The following ARAP2 variants were observed in gnomAD, a reference collection of about 807,000 sequenced individuals.
ARAP2 encodes ArfGAP with RhoGAP domain, ankyrin repeat and PH domain 2.
ARAP2 carries 148 observed loss-of-function variants against 194.5 expected under a neutral mutation model. The ratio of observed to expected loss-of-function variants is 0.76; its 90% CI spans 0.67 to 0.87. The LOEUF is 0.87. Ranked by LOEUF, ARAP2 falls within the 40% of genes least tolerant of loss-of-function variation. The pLI is 0.00. For missense variants in ARAP2, 2,128 were observed against 1,989.7 expected, an observed-to-expected ratio of 1.07 and a Z score of -1.32; for synonymous variants, 695 against 683.5, an observed-to-expected ratio of 1.02 and a Z score of -0.26.
At position 36,133,370 on chromosome 4, in the gene ARAP2, GC is replaced by G; in HGVS notation, c.3282del (p.His1095IlefsTer37). On this transcript the variant is annotated frameshift_variant, in exon 20 of 33. Coordinates refer to ENST00000303965, the MANE Select transcript of ARAP2 (RefSeq NM_015230.4). LOFTEE classifies it high-confidence loss of function. ...CAGACTGTGAAATCCAACTTGGTAT[GC>G]CCATGGATGTATAATGTTCTGTAAA... The part of the protein sequence containing the change: ...VEKGRTLYIH[G>X]HTKLDFTVWH... 1 of 1,610,444 alleles carries G rather than the reference GC, an allele frequency of 6.2e-7. No homozygotes were observed. The highest frequency in any genetic ancestry group is 8.5e-7 in the Non-Finnish European group (1 of 1,177,810).
At chr4:36,141,639 A>G (rs976179468) in intron 19 of ARAP2, among the ~76,000 whole-genome samples, 32 of 151,806 alleles carry the variant, frequency 2.1e-4, no homozygotes, top group African/African-American at 7.7e-4. Context: ...ACATTAATGT[A>G]GTTTAGCATT....
At chr4:36,016,456 T>C (rs1368899397) in intron 6 of ARAP2, among the ~76,000 whole-genome samples, 6 of 152,180 alleles carry the variant, frequency 3.9e-5, no homozygotes, top group South Asian at 2.1e-4. Context: ...ATTTGATATG[T>C]ACATTGATGT....
chr4:36,244,751 C>T (rs1360517200), upstream of ARAP2, among the ~76,000 whole-genome samples: 1 of 152,174 alleles, frequency 6.6e-6, no homozygotes, highest in Non-Finnish European at 1.5e-5. Flanking sequence ...AGGGGCATTA[C>T]CCACCTTCCC....
rs1560263668 is a variant in ARAP2, at chr4:36,014,226, A to AAGAAAGAAAGG, written n.1056+1159_1056+1160insCCTTTCTTTCT. Among the ~76,000 whole-genome samples, 183 of 23,690 alleles carry AAGAAAGAAAGG rather than the reference A, an allele frequency of 7.7e-3. 8 individuals are homozygous for AAGAAAGAAAGG. Among genetic ancestry groups the AAGAAAGAAAGG allele is most frequent in the African/African-American group, 0.017 (175 of 10,222 alleles). The allele number at this position is 23,690 out of a possible 152,430, so 15.5% of individuals were successfully genotyped here. A position where few individuals can be genotyped will look rare whatever the true frequency, so the allele number is the denominator to read the frequency against. On this transcript the variant is annotated intron_variant and non_coding_transcript_variant, in intron 8 of 12. Coordinates refer to the ARAP2 transcript ENST00000503225. ...TAGGTGACAAAGTGAGACCCTATCG[A>AAGAAAGAAAGG]AAGAAAGAAAGAAAGAAAGAAAGAA...
intron 26 of ARAP2, 104 bp downstream of exon 26, chr4:36,114,066 T>A: frequency 1.1e-6 from 1 of 880,932 alleles, no homozygotes; most frequent in Non-Finnish European, 1.8e-6. Context: ...GTAAAAAAAA[T>A]CATAACAAGA....
At chr4:36,130,957 T>C (rs533032182) in intron 20 of ARAP2, among the ~76,000 whole-genome samples, 1 of 151,932 alleles carries the variant, frequency 6.6e-6, no homozygotes, top group Admixed American at 6.6e-5. Flanking sequence ...GAAATAATTT[T>C]CCCCAAGAAC....
downstream of ARAP2, chr4:36,065,510 C>A: frequency 3.4e-6 from 1 of 294,018 alleles, no homozygotes; most frequent in South Asian, 2.8e-5. Context: ...AGCATCTTGT[C>A]AATGCAGGGC....
At chr4:36,218,461 AT>A (rs1034213055) in intron 2 of ARAP2, among the ~76,000 whole-genome samples, 48 of 152,284 alleles carry the variant, frequency 3.2e-4, no homozygotes, top group African/African-American at 1.1e-3. Flanking sequence ...CAGAGATCCA[AT>A]TGCATTTAAG....
chr4:36,083,490 C>T, intron 28 of ARAP2, 40 bp from the exon 29 acceptor site: 1 of 1,355,032 alleles, frequency 7.4e-7, no homozygotes, highest in Non-Finnish European at 1.0e-6. Flanking sequence ...AATGGATTTA[C>T]ACATTTCCTT....
chr4:36,118,878 C>T (rs1722031843), intron 24 of ARAP2, among the ~76,000 whole-genome samples: 1 of 151,410 alleles, frequency 6.6e-6, no homozygotes, highest in African/African-American at 2.4e-5. Flanking sequence ...ATGACAGTTT[C>T]AATGACTCTA....
At chr4:36,084,657 C>T (rs1465627195) in intron 28 of ARAP2, among the ~76,000 whole-genome samples, 2 of 151,788 alleles carry the variant, frequency 1.3e-5, no homozygotes, top group African/African-American at 2.4e-5. Context: ...ATTAGAAAAG[C>T]GAGGAAAATA....
intron 19 of ARAP2, among the ~76,000 whole-genome samples, chr4:36,140,391 G>C (rs192137280): frequency 1.3e-5 from 2 of 151,790 alleles, no homozygotes; most frequent in African/African-American, 4.8e-5. Flanking sequence ...CTTAATATTT[G>C]TTTTGTAATA....
intron 6 of ARAP2, among the ~76,000 whole-genome samples, chr4:36,205,266 G>C (rs1282406632): frequency 6.6e-6 from 1 of 151,810 alleles, no homozygotes; most frequent in Non-Finnish European, 1.5e-5. Context: ...TTCCATGGTG[G>C]TACATCAATA....
At chr4:36,072,661 AAAAAAC>A (rs1727281248) in intron 32 of ARAP2, among the ~76,000 whole-genome samples, 1 of 137,688 alleles carries the variant, frequency 7.3e-6, no homozygotes, top group Non-Finnish European at 1.6e-5. Context: ...ATTACCTAAA[AAAAAAC>A]AAAAAAAAAA....
At chr4:36,167,351 G>A (rs1328742321) in intron 9 of ARAP2, among the ~76,000 whole-genome samples, 3 of 152,098 alleles carry the variant, frequency 2.0e-5, no homozygotes, top group Non-Finnish European at 4.4e-5. Flanking sequence ...ATTAAAGGAA[G>A]CTAAATATTA....
intron 28 of ARAP2, 101 bp downstream of exon 28, chr4:36,091,780 A>C: frequency 7.9e-7 from 1 of 1,266,538 alleles, no homozygotes; most frequent in Non-Finnish European, 1.1e-6. Context: ...CATTTTATAT[A>C]CTACAGGCAG....
chr4:36,121,289 G>A lies in ARAP2; in HGVS notation c.3784C>T (p.His1262Tyr). ...GATGAAAAGACCAAGGCCAAATTAT[G>A]GGCATTCATGTGATTGATTTCTGAG... is the stretch of plus-strand genomic sequence containing the variant. ...KCSEINHMNA[H>Y]NLALVFSSCL... Residue 1262 changes from histidine (H) to tyrosine (Y), a missense_variant, in exon 23 of 33, where the codon CAT becomes TAT. By Grantham distance (83) the His-to-Tyr change is moderately conservative (BLOSUM62 2). Transcript: ENST00000303965. The A allele has an allele frequency of 1.2e-6, 2 of 1,602,322 alleles. No individual in the cohort carries two copies. Among genetic ancestry groups the A allele is most frequent in the Non-Finnish European group, 1.7e-6 (2 of 1,173,330 alleles).
intron 8 of ARAP2, among the ~76,000 whole-genome samples, chr4:36,181,521 C>T (rs1739247385): frequency 6.6e-6 from 1 of 152,104 alleles, no homozygotes; most frequent in Non-Finnish European, 1.5e-5. Context: ...TACATAAGGG[C>T]CATGCAAAAC....
intron 8 of ARAP2, among the ~76,000 whole-genome samples, chr4:36,014,325 A>AAG (rs1560265152): frequency 1.8e-4 from 6 of 32,462 alleles, no homozygotes; most frequent in South Asian, 9.3e-4. Context: ...AAAGAAAGAG[A>AAG]GAAAGAAAGA....
Sources: gnomAD v4.1 joint callset for allele counts (sites outside exome capture counted in the v4.1 genomes callset) on GRCh38, gnomAD v4.1.1 for gene constraint, MANE v1.5 for transcripts, NCBI Gene and HGNC (gene_info 2026-07-23, HGNC 2026-07-21) for gene names.